EBF3: variants seen among roughly 807,000 people sequenced by gnomAD.
EBF3 encodes the protein transcription factor COE3.
A neutral mutation model predicts 77.1 loss-of-function variants in EBF3; 18 were observed. The observed-to-expected ratio is 0.23, with a 90% CI of 0.16 to 0.35. The LOEUF (loss-of-function observed/expected upper bound fraction) is 0.35, where lower values mean the gene tolerates loss of function less well. EBF3 is among the 10% of genes least tolerant of loss of function. The pLI is 1.00. For missense variants in EBF3, 558 were observed against 860.0 expected, an observed-to-expected ratio of 0.65 and a Z score of 4.39; for synonymous variants, 350 against 343.5, an observed-to-expected ratio of 1.02 and a Z score of -0.21.
Position 129,937,668 on chromosome 10 carries a change from C to T in EBF3, c.554+19590G>A, listed in dbSNP as rs182523032. On this transcript the variant is annotated intron_variant, in intron 6 of 16. Transcript: ENST00000440978. ...CGTGCCCACGCAGCACCAGAGACAC[C>T]GCTGGGGACTGCAGGTCACATCTGT... Among the ~76,000 whole-genome samples, 206 of 152,174 alleles carry T rather than the reference C, an allele frequency of 1.4e-3. 1 individual carries two copies. The highest frequency in any genetic ancestry group is 4.6e-3 in the African/African-American group (189 of 41,526).
chr10:129,950,992 C>T (rs976960195), intron 6 of EBF3, among the ~76,000 whole-genome samples: 2 of 152,194 alleles, frequency 1.3e-5, no homozygotes, highest in African/African-American at 4.8e-5. Context: ...TCTTCTTCAA[C>T]GTGTCTCCCT....
At chr10:129,854,130 G>T (rs974614503) in intron 10 of EBF3, among the ~76,000 whole-genome samples, 3 of 151,700 alleles carry the variant, frequency 2.0e-5, no homozygotes, top group African/African-American at 7.3e-5. Context: ...CACAAAGTCT[G>T]CAAATGCCTG....
At chr10:129,852,612 T>G (rs942732663) in intron 10 of EBF3, among the ~76,000 whole-genome samples, 3 of 152,242 alleles carry the variant, frequency 2.0e-5, no homozygotes, top group Non-Finnish European at 4.4e-5. Context: ...TGTATATGAT[T>G]ATTTTATTAG....
intron 6 of EBF3, among the ~76,000 whole-genome samples, chr10:129,953,948 T>G (rs916955064): frequency 6.6e-6 from 1 of 152,238 alleles, no homozygotes; most frequent in Non-Finnish European, 1.5e-5. Context: ...GAGATTTATC[T>G]GTTCATAGTT....
In EBF3 at chr10:129,842,408, A is replaced by C. The variant is rs1308325437; in HGVS notation, c.1195-115T>G. 2 of 1,212,068 alleles carry C rather than the reference A, an allele frequency of 1.7e-6. No individual in the cohort carries two copies. The highest frequency in any genetic ancestry group is 3.1e-5 in the African/African-American group (2 of 64,254). The allele number at this position is 1,212,068 out of a possible 1,614,324, so 75.1% of individuals were successfully genotyped here. On this transcript the variant is annotated intron_variant, in intron 12 of 16. Transcript: ENST00000440978. The surrounding 1 kb of genome is among the most constrained non-coding windows in gnomAD (Gnocchi z 4.4). ...CTGTCCCTTGCCCAGACCATGACCA[A>C]ATCTATTTCTTAATGGGCAAAGAGC...
Position 129,873,493 on chromosome 10 carries a change from A to G in EBF3, c.740T>C (p.Leu247Pro). The G allele has an allele frequency of 6.3e-7, 1 of 1,593,894 alleles. No individual in the cohort carries two copies. Among genetic ancestry groups the G allele is most frequent in the African/African-American group, 1.3e-5 (1 of 74,486 alleles). The part of the protein sequence containing the change: ...NSKHGRRARR[L>P]DPSEGTAPSY... ...AGGGGCCGTACCTTCTGACGGGTCT[A>G]GGCGGCGGGCCCGCCTCCCGTGTTT... The change falls in exon 8 of 17, where the codon CTA (leucine) becomes CCA (proline). Residue 247 changes from leucine (L) to proline (P), a missense_variant. Transcript: ENST00000440978.
At chr10:129,899,227 G>A (rs1195005356) in intron 6 of EBF3, among the ~76,000 whole-genome samples, 3 of 152,220 alleles carry the variant, frequency 2.0e-5, no homozygotes, top group Non-Finnish European at 2.9e-5. Context: ...AATCGGAGTC[G>A]ACATCAATAA....
chr10:129,908,967 G>A (rs1046144231), intron 6 of EBF3, among the ~76,000 whole-genome samples: 1 of 152,150 alleles, frequency 6.6e-6, no homozygotes, highest in Non-Finnish European at 1.5e-5. Context: ...CTTTTAATAA[G>A]CAAACCGTAG....
intron 10 of EBF3, among the ~76,000 whole-genome samples, chr10:129,849,723 C>A (rs991871657): frequency 6.6e-6 from 1 of 152,214 alleles, no homozygotes; most frequent in Non-Finnish European, 1.5e-5. Flanking sequence ...AAGGTCCGCA[C>A]AGGAATGTGA....
chr10:129,877,310 T>C (rs1029886717), intron 7 of EBF3, among the ~76,000 whole-genome samples: 7 of 151,912 alleles, frequency 4.6e-5, no homozygotes, highest in East Asian at 1.9e-4. Flanking sequence ...GGAAAACATA[T>C]TGAAACCCCA....
Position 129,897,413 on chromosome 10 carries a change from G to C in EBF3, c.555-19564C>G, listed in dbSNP as rs1854472788. ...CGGTGCCACCCATCTGGAAGGCGGT[G>C]CTGCAAAACCCTGAGGTGCATGGCC... On this transcript the variant is annotated intron_variant, in intron 6 of 16. Transcript: ENST00000440978. The surrounding 1 kb of genome is among the most constrained non-coding windows in gnomAD (Gnocchi z 4.6). Among the ~76,000 whole-genome samples, 1 of 152,120 alleles carries C rather than the reference G, an allele frequency of 6.6e-6. No homozygotes were observed. The highest frequency in any genetic ancestry group is 6.5e-5 in the Admixed American group (1 of 15,282).
chr10:129,950,019 G>A (rs1009428059), intron 6 of EBF3, among the ~76,000 whole-genome samples: 1 of 145,686 alleles, frequency 6.9e-6, no homozygotes, highest in African/African-American at 2.5e-5. Context: ...AGGGAGGAGG[G>A]AGGAGGGAGG....
chr10:129,921,045 G>C (rs1243063082), intron 6 of EBF3, among the ~76,000 whole-genome samples: 6 of 152,216 alleles, frequency 3.9e-5, no homozygotes. Flanking sequence ...CTCTGGGCAG[G>C]ACCAAAGAAG....
At chr10:129,887,681 G>A (rs780077258) in intron 6 of EBF3, among the ~76,000 whole-genome samples, 1 of 152,102 alleles carries the variant, frequency 6.6e-6, no homozygotes, top group Admixed American at 6.5e-5. Context: ...GGTGAGAGAT[G>A]GCAATTACAG....
chr10:129,893,399 T>G (rs1448437321), intron 6 of EBF3, among the ~76,000 whole-genome samples: 1 of 152,248 alleles, frequency 6.6e-6, no homozygotes, highest in Admixed American at 6.5e-5. Context: ...TCCCTCCATT[T>G]AATATGCAAA....
Position 129,864,526 on chromosome 10 carries a change from C to G in EBF3, c.1039+2615G>C, listed in dbSNP as rs766429315. Reference sequence around the variant, plus strand: ...TTCTAACAATAGCTGTGCAGACTTCCCCACCAAAAAGCCCACATATGCAAA... The same window carrying G: ...TTCTAACAATAGCTGTGCAGACTTCGCCACCAAAAAGCCCACATATGCAAA... On this transcript the variant is annotated intron_variant, in intron 10 of 16. Coordinates refer to ENST00000440978, the MANE Select transcript of EBF3 (RefSeq NM_001375380.1). The surrounding 1 kb of genome is among the most constrained non-coding windows in gnomAD (Gnocchi z 4.4). Among the ~76,000 whole-genome samples, 1 of 152,152 alleles carries G rather than the reference C, an allele frequency of 6.6e-6. No homozygotes were observed. Among genetic ancestry groups the G allele is most frequent in the Non-Finnish European group, 1.5e-5 (1 of 68,032 alleles).
intron 10 of EBF3, among the ~76,000 whole-genome samples, chr10:129,859,021 C>T (rs891358274): frequency 6.6e-6 from 1 of 152,240 alleles, no homozygotes; most frequent in African/African-American, 2.4e-5. Flanking sequence ...AATGACCCTT[C>T]GAGAGTGTGC....
intron 10 of EBF3, among the ~76,000 whole-genome samples, chr10:129,855,674 G>C (rs1851202564): frequency 6.6e-6 from 1 of 152,172 alleles, no homozygotes. Flanking sequence ...GAAATGCCTG[G>C]AAACAAAAGG....
chr10:129,946,959 G>A (rs181403744), intron 6 of EBF3, among the ~76,000 whole-genome samples: 2 of 152,160 alleles, frequency 1.3e-5, no homozygotes, highest in Non-Finnish European at 2.9e-5. Context: ...CTGGGGCCTC[G>A]CTGGCCGGGG....
Sources: allele counts gnomAD v4.1 joint callset (sites outside exome capture counted in the v4.1 genomes callset), GRCh38; gene constraint gnomAD v4.1.1; non-coding constraint Gnocchi (gnomAD v3.1); transcripts MANE v1.5; gene names NCBI Gene and HGNC (gene_info 2026-07-23, HGNC 2026-07-21).